HID1: variants seen among roughly 807,000 people sequenced by gnomAD.
The protein encoded by HID1 is HID1 domain containing.
HID1 carries 42 observed loss-of-function variants against 89.7 expected under a neutral mutation model. The observed-to-expected ratio is 0.47, with a 90% CI of 0.37 to 0.61. The LOEUF is 0.61. Among genes scored for constraint, HID1 ranks in the 20% least tolerant of loss-of-function variants. HID1 has a pLI of 0.00. For missense variants in HID1, 854 were observed against 1,039.3 expected (o/e 0.82, Z 2.45); for synonymous variants, 442 against 433.8 (o/e 1.02, Z -0.24).
rs141208708 is a variant in HID1, at chr17:74,962,336, G to A, written c.509C>T (p.Ser170Leu). The A allele has an allele frequency of 2.6e-5, 42 of 1,606,518 alleles. No individual in the cohort carries two copies. The highest frequency in any genetic ancestry group is 1.3e-4 in the Admixed American group (8 of 59,782). Residue 170 changes from serine to leucine, a missense_variant, in exon 5 of 19, where the codon TCG (serine) becomes TTG (leucine). Coordinates refer to ENST00000425042, the MANE Select transcript of HID1 (RefSeq NM_030630.3). The surrounding 1 kb of genome is among the most constrained non-coding windows in gnomAD (Gnocchi z 4.3). ...VQSHRRSTVDSAEDVHSLDSC... is the reference protein window; with the variant it reads ...VQSHRRSTVDLAEDVHSLDSC... ...GTCCAGGGAGTGGACGTCCTCTGCCGAGTCCTGGGGACAGGCCAGGAAGAA... is the reference window on the plus strand; with the variant it reads ...GTCCAGGGAGTGGACGTCCTCTGCCAAGTCCTGGGGACAGGCCAGGAAGAA...
chr17:74,960,745 C>A (rs11077767), intron 6 of HID1, among the ~76,000 whole-genome samples: 1 of 152,094 alleles, frequency 6.6e-6, no homozygotes, highest in Non-Finnish European at 1.5e-5. Flanking sequence ...GCTCCCTTCT[C>A]TTCTGGAGTA....
chr17:74,959,043 C>G lies in HID1; in HGVS notation c.1017G>C (p.Gln339His), dbSNP rs2039439468. 1 of 1,565,658 alleles carries G rather than the reference C, an allele frequency of 6.4e-7. No homozygotes were observed. Among genetic ancestry groups the G allele is most frequent in the African/African-American group, 1.4e-5 (1 of 72,588 alleles). The change falls in exon 9 of 19, where the codon CAG (glutamine) becomes CAC (histidine). Residue 339 changes from glutamine (Q) to histidine (H), a missense_variant. Coordinates refer to ENST00000425042, the MANE Select transcript of HID1 (RefSeq NM_030630.3). This position sits in a 1 kb window ranked among gnomAD's most constrained non-coding sequence, Gnocchi z 4.6. ...LSRIHREEDF[Q>H]FILKGIARLL... ...GCCGGGCTATACCCTTGAGGATGAA[C>G]TGGAAGTCCTGGGGGCGAGGGCAGA...
At position 74,952,997 on chromosome 17, in the gene HID1, C is replaced by A; in HGVS notation, c.2052+9G>T. ...GCCCCCGCTCGCCTGGCACAGGGTCCCTCCTCACCCACTCTGGCGTTGGGC... is the reference window on the plus strand; with the variant it reads ...GCCCCCGCTCGCCTGGCACAGGGTCACTCCTCACCCACTCTGGCGTTGGGC... On this transcript the variant is annotated intron_variant, in intron 16 of 18. Transcript: ENST00000425042. The A allele has an allele frequency of 6.3e-7, 1 of 1,597,310 alleles. No individual in the cohort carries two copies.
At chr17:74,961,684 A>T in intron 6 of HID1, 189 bp downstream of exon 6, 1 of 367,366 alleles carries the variant, frequency 2.7e-6, no homozygotes, top group Non-Finnish European at 4.9e-6. Context: ...AGGGGCCCCC[A>T]GATTCTGTCC....
intron 3 of HID1, chr17:74,963,376 C>A: frequency 2.0e-6 from 1 of 495,742 alleles, no homozygotes; most frequent in South Asian, 2.7e-5. Flanking sequence ...TGTTGCATCC[C>A]TCAGCACCTC....
Position 74,958,336 on chromosome 17 carries a change from C to T in HID1, c.1383G>A (p.Leu461=). 1 of 1,613,196 alleles carries T rather than the reference C, an allele frequency of 6.2e-7. No homozygotes were observed. The change falls in exon 11 of 19, where the codon CTG becomes CTA. Residue 461 remains leucine, a synonymous_variant. Transcript: ENST00000425042. This position sits in a 1 kb window ranked among gnomAD's most constrained non-coding sequence, Gnocchi z 5.2. Reference sequence around the variant, plus strand: ...GCACGAGCCCCCTCACCACAATGAGCAGGTCGGCGTGGGTCCCTGTGAAGA... The same window carrying T: ...GCACGAGCCCCCTCACCACAATGAGTAGGTCGGCGTGGGTCCCTGTGAAGA... ...IPVFTGTHAD[L]LIVVFHKIIT... is the part of the protein sequence containing the mutation.
chr17:74,960,990 T>A (rs2039471373), intron 6 of HID1, among the ~76,000 whole-genome samples: 1 of 142,468 alleles, frequency 7.0e-6, no homozygotes, highest in Admixed American at 7.0e-5. Context: ...GTGCCCCATG[T>A]GGGCTGGGCC....
At position 74,962,084 on chromosome 17, in the gene HID1, G is replaced by A. The variant is rs2039490111; in HGVS notation, c.612-95C>T. ...AGCGCCCCAGCCCAGGTCCATGGAA[G>A]GAAGTTACTCCCGTTGACCCCTGTA... is the stretch of plus-strand genomic sequence containing the variant. On this transcript the variant is annotated intron_variant, in intron 5 of 18. Transcript: ENST00000425042. This position sits in a 1 kb window ranked among gnomAD's most constrained non-coding sequence, Gnocchi z 4.3. 3.5e-6 allele frequency: 4 copies of A among 1,148,422 alleles called. No individual in the cohort carries two copies. Among genetic ancestry groups the A allele is most frequent in the East Asian group, 2.6e-5 (1 of 38,080 alleles). The allele number at this position is 1,148,422 out of a possible 1,614,324, so 71.1% of individuals were successfully genotyped here.
intron 13 of HID1, 24 bp downstream of exon 13, chr17:74,955,768 C>G (rs763886133): frequency 4.5e-5 from 72 of 1,611,268 alleles, no homozygotes; most frequent in Admixed American, 8.4e-5. Flanking sequence ...CCCTGACCAC[C>G]AGGGCCTCAG....
rs137932129 is a variant in HID1, at chr17:74,963,051, G to A, written c.418C>T (p.Pro140Ser). ...QGEEDDEHAR[P>S]LAESLLLAIA... The stretch of plus-strand genomic sequence containing the variant: ...GCCAGGAGCAGGGACTCGGCCAGGG[G>A]CCTGGCATGCTCATCATCCTCTTCT... Residue 140 changes from proline to serine, a missense_variant, in exon 4 of 19, where the codon CCC becomes TCC. Physicochemically the swap from Pro to Ser is moderately conservative, Grantham distance 74. Transcript: ENST00000425042. 80 of 1,612,448 alleles carry A rather than the reference G, an allele frequency of 5.0e-5. No individual in the cohort carries two copies. The highest frequency in any genetic ancestry group is 1.5e-4 in the Admixed American group (9 of 59,806).
rs1198465421 is a variant in HID1 at position 74,962,992 on chromosome 17, C to T, written c.477G>A (p.Thr159=). ...CAGTGCTCCTCCGGTGGCTCTGAAC[C>T]GTGAAGTCCGGGCAGAAGAGCAGGT... ...IADLLFCPDF[T]VQSHRRSTVD... The change falls in exon 4 of 19, where the codon ACG becomes ACA. Residue 159 remains threonine (T), a synonymous_variant. Transcript: ENST00000425042. This position sits in a 1 kb window ranked among gnomAD's most constrained non-coding sequence, Gnocchi z 4.3. 1.9e-5 allele frequency: 31 copies of T among 1,613,272 alleles called. No individual in the cohort carries two copies. The highest frequency in any genetic ancestry group is 2.7e-5 in the African/African-American group (2 of 74,904).
At chr17:74,955,145 C>G (rs1364645892) in intron 13 of HID1, among the ~76,000 whole-genome samples, 1 of 152,176 alleles carries the variant, frequency 6.6e-6, no homozygotes, top group African/African-American at 2.4e-5. Flanking sequence ...ACAGGGCTAA[C>G]GAGTGGCAAG....
rs373130928 is a variant in HID1, at chr17:74,951,653, T to A, written c.2304-20A>T. 2.5e-6 allele frequency: 4 copies of A among 1,608,552 alleles called. No individual in the cohort carries two copies. Among genetic ancestry groups the A allele is most frequent in the Non-Finnish European group, 3.4e-6 (4 of 1,177,238 alleles). ...ACATTCCTGTGGAGGAAATGGGGGG[T>A]TACCCAGGTGCTGGGGCACCTTGCA... is the stretch of plus-strand genomic sequence containing the variant. On this transcript the variant is annotated intron_variant, in intron 18 of 18. Transcript: ENST00000425042.
In HID1 at chr17:74,958,389, A is replaced by G; in HGVS notation, c.1330T>C (p.Ser444Pro). The G allele has an allele frequency of 6.2e-7, 1 of 1,612,054 alleles. No homozygotes were observed. The highest frequency in any genetic ancestry group is 8.5e-7 in the Non-Finnish European group (1 of 1,179,208). Residue 444 changes from serine (S) to proline (P), a missense_variant, in exon 11 of 19, where the codon TCA becomes CCA. Coordinates refer to ENST00000425042, the MANE Select transcript of HID1 (RefSeq NM_030630.3). This position sits in a 1 kb window ranked among gnomAD's most constrained non-coding sequence, Gnocchi z 5.2. ...GGGATGTCCATGGGCACGCGGATTG[A>G]GTAGGGTTTGTTCAGCCGCACCCCG... ...NFGVRLNKPYSIRVPMDIPVF... is the reference protein window; with the variant it reads ...NFGVRLNKPYPIRVPMDIPVF...
At chr17:74,952,157 G>T in intron 17 of HID1, 94 bp from the exon 18 acceptor site, 1 of 1,510,142 alleles carries the variant, frequency 6.6e-7, no homozygotes, top group Non-Finnish European at 9.0e-7. Context: ...CCCATCACAC[G>T]CCTACCTAAG....
intron 6 of HID1, chr17:74,961,469 T>C (rs192561951): frequency 2.0e-5 from 3 of 152,380 alleles, no homozygotes; most frequent in Non-Finnish European, 2.9e-5. Flanking sequence ...GGTTTCACCA[T>C]GTTGGCCAGG....
At position 74,952,356 on chromosome 17, in the gene HID1, A is replaced by C. The variant is rs960907600; in HGVS notation, c.2057T>G (p.Leu686Arg). 3.1e-6 allele frequency: 5 copies of C among 1,613,312 alleles called. No homozygotes were observed. In the African/African-American group the frequency reaches 6.7e-5, roughly 22 times the overall value. ...CAGCGGCAGCTTCGACTTCCAGGAG[A>C]GGACCTGGCGAGGGACGGGGTTCCT... ...GQWSPTPEWV[L>R]SWKSKLPLQT... The change falls in exon 17 of 19, where the codon CTC becomes CGC. Residue 686 changes from leucine to arginine, a missense_variant. By Grantham distance (102) the Leu-to-Arg change is moderately radical (BLOSUM62 -2). Coordinates refer to ENST00000425042, the MANE Select transcript of HID1 (RefSeq NM_030630.3).
chr17:74,953,784 T>A (rs2039343792), intron 14 of HID1, 133 bp from the exon 15 acceptor site: 4 of 718,738 alleles, frequency 5.6e-6, no homozygotes, highest in Non-Finnish European at 9.6e-6. Context: ...CTAGAGGCAG[T>A]GTCTGATCAC....
chr17:74,961,872 C>CG lies in HID1; in HGVS notation c.728_728+1insC (p.Arg243SerfsTer18). ...GCGCAGAAAGGCCAAGGGCCCTTCA[C>CG]CTGTTCTCCGTGGAACAAAAGAACT... On this transcript the variant is annotated frameshift_variant and splice_region_variant. Transcript: ENST00000425042. LOFTEE classifies it high-confidence loss of function. 1 of 1,555,066 alleles carries CG rather than the reference C, an allele frequency of 6.4e-7. No homozygotes were observed. The highest frequency in any genetic ancestry group is 8.7e-7 in the Non-Finnish European group (1 of 1,147,836).
Sources: allele counts gnomAD v4.1 joint callset (sites outside exome capture counted in the v4.1 genomes callset), GRCh38; gene constraint gnomAD v4.1.1; non-coding constraint Gnocchi (gnomAD v3.1); transcripts MANE v1.5; gene names NCBI Gene and HGNC (gene_info 2026-07-23, HGNC 2026-07-21).